The following MYLK3 variants were observed in gnomAD, a reference collection of about 807,000 sequenced individuals.
MYLK3 encodes the protein myosin light chain kinase 3.
In MYLK3, 55 loss-of-function variants were observed where a neutral mutation model predicts 76.3. The observed-to-expected ratio is 0.72, with a 90% CI of 0.58 to 0.90. MYLK3 has a LOEUF of 0.90. MYLK3 is among the 40% of genes least tolerant of loss of function. The pLI, the probability that MYLK3 is intolerant of heterozygous loss-of-function variation, is 0.00. For synonymous variants in MYLK3, 416 were observed against 425.4 expected (o/e 0.98, Z 0.27); for missense variants, 973 against 1,053.6 (o/e 0.92, Z 1.06).
At chr16:46,730,439 A>G (rs1966850323) in intron 5 of MYLK3, among the ~76,000 whole-genome samples, 154 bp downstream of exon 5, 1 of 151,450 alleles carries the variant, frequency 6.6e-6, no homozygotes, top group South Asian at 2.1e-4. Context: ...GCCACCATGC[A>G]CCCCATGCTG....
intron 12 of MYLK3, among the ~76,000 whole-genome samples, chr16:46,708,162 C>T (rs919584142): frequency 6.6e-6 from 1 of 152,180 alleles, no homozygotes; most frequent in South Asian, 2.1e-4. Flanking sequence ...ACCACCACCA[C>T]GACCAGCTAA....
At position 46,763,151 on chromosome 16, in the gene MYLK3, C is replaced by T. The variant is rs910828028; in HGVS notation, c.-225G>A. On this transcript the variant is annotated 5_prime_UTR_variant, in exon 1 of 12. Coordinates refer to the MYLK3 transcript ENST00000536476. ...ATCTTATACACAGACAAACTTAAAC[C>T]TGGAGGCAGTTAAGTGGCTTGTCAA... is the stretch of plus-strand genomic sequence containing the variant. 8.1e-6 allele frequency: 8 copies of T among 984,326 alleles called. No homozygotes were observed. The African/African-American group carries it at 1.4e-4, about 17-fold the overall frequency. 61.0% of individuals were successfully genotyped at this position (984,326 alleles called of 1,614,324 possible). A position where few individuals can be genotyped will look rare whatever the true frequency, so the allele number is the denominator to read the frequency against.
Position 46,704,578 on chromosome 16 carries a change from T to C in MYLK3, c.*3126A>G, listed in dbSNP as rs572236937. The C allele has an allele frequency of 4.6e-5, 7 of 152,312 alleles. No individual in the cohort carries two copies. The South Asian group carries it at 1.0e-3, about 23-fold the overall frequency. The allele number at this position is 152,312 out of a possible 1,614,324, so 9.4% of individuals were successfully genotyped here. A position where few individuals can be genotyped will look rare whatever the true frequency, so the allele number is the denominator to read the frequency against. Reference sequence around the variant, plus strand: ...CTCTGGCCTCAGCCTCCCTAGTAGCTGGTAAAGTATCTCAATTTTATGTTG... The same window carrying C: ...CTCTGGCCTCAGCCTCCCTAGTAGCCGGTAAAGTATCTCAATTTTATGTTG... On this transcript the variant is annotated 3_prime_UTR_variant, in exon 13 of 13. Coordinates refer to ENST00000394809, the MANE Select transcript of MYLK3 (RefSeq NM_182493.3).
intron 12 of MYLK3, among the ~76,000 whole-genome samples, chr16:46,708,621 A>G (rs186256899): frequency 1.2e-3 from 184 of 152,276 alleles, no homozygotes; most frequent in Non-Finnish European, 2.1e-3. Context: ...CGCCTGAGTC[A>G]AATTTTTGTT....
At position 46,736,893 on chromosome 16, in the gene MYLK3, C is replaced by G. The variant is rs866053580; in HGVS notation, c.1001+818G>C. 8.4e-3 allele frequency among the ~76,000 whole-genome samples: 1,284 copies of G among 152,140 alleles called. 23 individuals are homozygous for G. Among genetic ancestry groups the G allele is most frequent in the African/African-American group, 0.029 (1,216 of 41,502 alleles). ...GTGCTGGGGAGGGCATGAGAGTCTGCGGGTTCTTTACTCTGCTACAGACAT... is the reference window on the plus strand; with the variant it reads ...GTGCTGGGGAGGGCATGAGAGTCTGGGGGTTCTTTACTCTGCTACAGACAT... On this transcript the variant is annotated intron_variant, in intron 3 of 12. Coordinates refer to ENST00000394809, the MANE Select transcript of MYLK3 (RefSeq NM_182493.3).
At chr16:46,757,324 C>T (rs1406112081) in intron 1 of MYLK3, 51 of 963,784 alleles carry the variant, frequency 5.3e-5, no homozygotes, top group East Asian at 1.1e-4. Flanking sequence ...AACCCAGGAC[C>T]GGGGAACAAC....
rs540065967 is a variant in MYLK3 at position 46,723,599 on chromosome 16, ACC to A, written c.1915-2408_1915-2407del. Among the ~76,000 whole-genome samples, 118 of 150,508 alleles carry A rather than the reference ACC, an allele frequency of 7.8e-4. 1 individual carries two copies. Among genetic ancestry groups the A allele is most frequent in the Admixed American group, 2.3e-3 (35 of 15,068 alleles). On this transcript the variant is annotated intron_variant, in intron 8 of 12. Coordinates refer to ENST00000394809, the MANE Select transcript of MYLK3 (RefSeq NM_182493.3). ...TTAAAAAGCGAATGCACATTTTACAACCCCACCAGCAATGTATGAGGGTTCCA... is the reference window on the plus strand; with the variant it reads ...TTAAAAAGCGAATGCACATTTTACAACCACCAGCAATGTATGAGGGTTCCA...
Position 46,710,585 on chromosome 16 carries a change from G to C in MYLK3, c.2267+52C>G, listed in dbSNP as rs1165804651. 3 of 1,607,738 alleles carry C rather than the reference G, an allele frequency of 1.9e-6. No individual in the cohort carries two copies. The East Asian group carries it at 6.7e-5, about 36-fold the overall frequency. ...GGTCAGCAGTCCTGCCCAGCTCCCA[G>C]ACCTGGGGTCCCCATCAGAAGGGCC... is the stretch of plus-strand genomic sequence containing the variant. On this transcript the variant is annotated intron_variant, in intron 11 of 12. Transcript: ENST00000394809.
intron 3 of MYLK3, among the ~76,000 whole-genome samples, chr16:46,736,008 T>C (rs1375601327): frequency 6.6e-6 from 1 of 152,076 alleles, no homozygotes; most frequent in Admixed American, 6.5e-5. Flanking sequence ...GTTTGTTTGT[T>C]GTTGTTGTTG....
chr16:46,755,139 T>C (rs1967180854), intron 1 of MYLK3, among the ~76,000 whole-genome samples: 1 of 151,958 alleles, frequency 6.6e-6, no homozygotes, highest in Non-Finnish European at 1.5e-5. Flanking sequence ...GCTCAAACAA[T>C]CCACCTGCCT....
Position 46,748,103 on chromosome 16 carries a change from T to A in MYLK3, c.91A>T (p.Met31Leu). 1 of 1,614,262 alleles carries A rather than the reference T, an allele frequency of 6.2e-7. No individual in the cohort carries two copies. The highest frequency in any genetic ancestry group is 1.1e-5 in the South Asian group (1 of 91,092). Residue 31 changes from methionine (M) to leucine (L), a missense_variant, in exon 1 of 13, where the codon ATG becomes TTG. This residue lies in a region of MYLK3 where 641 missense variants were observed against 637.0 expected (regional missense o/e 1.01). Coordinates refer to ENST00000394809, the MANE Select transcript of MYLK3 (RefSeq NM_182493.3). The surrounding 1 kb of genome is among the most constrained non-coding windows in gnomAD (Gnocchi z 4.3). ...AGCTGGTCCACCTTCTCGTTCAGCA[T>A]GTTCAGCTTTGTGTCCATGGTTGTT... ...CLTTMDTKLN[M>L]LNEKVDQLLH...
At chr16:46,738,187 G>T in intron 2 of MYLK3, 44 bp from the exon 3 acceptor site, 10 of 1,433,762 alleles carry the variant, frequency 7.0e-6, no homozygotes, top group Non-Finnish European at 9.2e-6. Flanking sequence ...CCATGTGGAG[G>T]AGTCTGCCAC....
At chr16:46,715,520 G>A (rs1284458039) in intron 9 of MYLK3, among the ~76,000 whole-genome samples, 3 of 152,184 alleles carry the variant, frequency 2.0e-5, no homozygotes, top group Non-Finnish European at 4.4e-5. Context: ...AGGGCTCGGG[G>A]AAGGCATCCT....
intron 2 of MYLK3, among the ~76,000 whole-genome samples, chr16:46,739,007 A>T (rs1396932251): frequency 6.6e-6 from 1 of 152,006 alleles, no homozygotes; most frequent in African/African-American, 2.4e-5. Context: ...TGCCCAGTTA[A>T]TTTTTGTATT....
At chr16:46,757,685 C>A in intron 1 of MYLK3, 1 of 859,310 alleles carries the variant, frequency 1.2e-6, no homozygotes, top group Non-Finnish European at 1.4e-6. Context: ...CCTGTCCAGG[C>A]CCCAGCGGCA....
intron 8 of MYLK3, among the ~76,000 whole-genome samples, chr16:46,722,031 G>A (rs1169085959): frequency 6.6e-6 from 1 of 152,196 alleles, no homozygotes; most frequent in Non-Finnish European, 1.5e-5. Flanking sequence ...TGCAGTGACA[G>A]CTGTGGCCCA....
In MYLK3 at chr16:46,729,586, T is replaced by C. The variant is rs2143014701; in HGVS notation, c.1662+8A>G. 2 of 1,613,238 alleles carry C rather than the reference T, an allele frequency of 1.2e-6. No individual in the cohort carries two copies. The highest frequency in any genetic ancestry group is 1.7e-6 in the Non-Finnish European group (2 of 1,179,412). On this transcript the variant is annotated splice_region_variant and intron_variant, in intron 6 of 12. Transcript: ENST00000394809. ...GCCACAGGGACCTGGCCCAGCCAGA[T>C]GCCTCACCCGGTCCTTGGCGCTCTT... is the stretch of plus-strand genomic sequence containing the variant.
upstream of MYLK3, among the ~76,000 whole-genome samples, chr16:46,753,232 T>C (rs1967151060): frequency 6.6e-6 from 1 of 152,046 alleles, no homozygotes; most frequent in Non-Finnish European, 1.5e-5. Context: ...GTAGGGTAAA[T>C]GGGGAGCAGG....
At chr16:46,744,382 C>T (rs1350321234) in intron 1 of MYLK3, among the ~76,000 whole-genome samples, 2 of 110,822 alleles carry the variant, frequency 1.8e-5, no homozygotes, top group Non-Finnish European at 3.5e-5. Flanking sequence ...CTCTTATTGC[C>T]CAGGCTGCAG....
Sources: allele counts gnomAD v4.1 joint callset (sites outside exome capture counted in the v4.1 genomes callset), GRCh38; gene constraint gnomAD v4.1.1; regional missense constraint gnomAD v4.1.1; non-coding constraint Gnocchi (gnomAD v3.1); transcripts MANE v1.5; gene names NCBI Gene and HGNC (gene_info 2026-07-23, HGNC 2026-07-21).